Variants in CHD1 observed in about 807,000 individuals in gnomAD.
CHD1 encodes the protein chromodomain helicase DNA binding protein 1.
A neutral mutation model predicts 224.2 loss-of-function variants in CHD1; 36 were observed. That is an observed-to-expected ratio of 0.16 (90% confidence interval 0.12 to 0.21). CHD1 has a LOEUF of 0.21. CHD1 is among the 10% of genes least tolerant of loss of function. The pLI, the probability that CHD1 is intolerant of heterozygous loss-of-function variation, is 1.00. For synonymous variants in CHD1, 668 were observed against 658.3 expected (o/e 1.01, Z -0.23); for missense variants, 1,378 against 1,994.8 (o/e 0.69, Z 5.89).
At chr5:98,873,962 C>T (rs1749553679) in intron 25 of CHD1, among the ~76,000 whole-genome samples, 1 of 152,064 alleles carries the variant, frequency 6.6e-6, no homozygotes, top group African/African-American at 2.4e-5. Context: ...AGATTATATA[C>T]CAATTCTGTA....
At chr5:98,924,464 T>C in intron 2 of CHD1, among the ~76,000 whole-genome samples, 1 of 152,236 alleles carries the variant, frequency 6.6e-6, no homozygotes, top group East Asian at 1.9e-4. Context: ...GAAACTTCAA[T>C]ATCAGTTCAA....
At chr5:98,925,334 T>C (rs772357401) in intron 2 of CHD1, among the ~76,000 whole-genome samples, 4 of 152,196 alleles carry the variant, frequency 2.6e-5, no homozygotes, top group Non-Finnish European at 5.9e-5. Flanking sequence ...TGAGTTCAAG[T>C]GATCCTCCTT....
chr5:98,917,218 T>C (rs901434160), intron 2 of CHD1, among the ~76,000 whole-genome samples: 1 of 148,546 alleles, frequency 6.7e-6, no homozygotes, highest in African/African-American at 2.5e-5. Context: ...ACCACCAAAG[T>C]CACATCACCA....
rs773245358 is a variant in CHD1, at chr5:98,889,114, C to T, written c.2305G>A (p.Asp769Asn). 1 of 1,599,446 alleles carries T rather than the reference C, an allele frequency of 6.3e-7. No individual in the cohort carries two copies. The highest frequency in any genetic ancestry group is 8.6e-7 in the Non-Finnish European group (1 of 1,168,276). ...TGTTTATTATAGAATTCATTATTAT[C>T]TGGTGGTTTAATGAGGTAGCAATGG... ...CNHCYLIKPPDNNEFYNKQEA... is the reference protein window; with the variant it reads ...CNHCYLIKPPNNNEFYNKQEA... The change falls in exon 16 of 36, where the codon GAT (aspartate) becomes AAT (asparagine). Residue 769 changes from aspartate to asparagine, a missense_variant. Asp to Asn is a conservative substitution (Grantham distance 23). Transcript: ENST00000614616.
intron 2 of CHD1, among the ~76,000 whole-genome samples, chr5:98,909,063 T>G (rs758553211): frequency 6.6e-6 from 1 of 152,144 alleles, no homozygotes; most frequent in Non-Finnish European, 1.5e-5. Context: ...CCAATCTTGA[T>G]TCAACTAAGA....
rs910415003 is a variant in CHD1, at chr5:98,900,718, C to A, written c.859+93G>T. ...CCATCGGCCTCGGCCCCCCAAAGTACTGGGATTACAGGGGCGACCCACTGT... is the reference window on the plus strand; with the variant it reads ...CCATCGGCCTCGGCCCCCCAAAGTAATGGGATTACAGGGGCGACCCACTGT... On this transcript the variant is annotated intron_variant, in intron 7 of 35. Coordinates refer to ENST00000614616, the MANE Select transcript of CHD1 (RefSeq NM_001270.4). 3.9e-5 allele frequency: 44 copies of A among 1,122,480 alleles called. No individual in the cohort carries two copies. In the South Asian group the frequency reaches 4.1e-4, roughly 10 times the overall value. 69.5% of individuals were successfully genotyped at this position (1,122,480 alleles called of 1,614,324 possible).
Position 98,858,500 on chromosome 5 carries a change from T to C in CHD1, c.4577-110A>G, listed in dbSNP as rs1209718184. The stretch of plus-strand genomic sequence containing the variant: ...TCAACCCTTGCCAAAACAAAATCGG[T>C]TCCCAAATACAAGCAGTTAAAGCAT... On this transcript the variant is annotated intron_variant, in intron 34 of 35. Transcript: ENST00000614616. 9 of 782,996 alleles carry C rather than the reference T, an allele frequency of 1.1e-5. No individual in the cohort carries two copies. The Admixed American group carries it at 1.2e-4, about 10-fold the overall frequency. The allele number at this position is 782,996 out of a possible 1,614,324, so 48.5% of individuals were successfully genotyped here.
In CHD1 at chr5:98,859,994, A is replaced by C. The variant is rs1426548280; in HGVS notation, c.4502T>G (p.Ile1501Ser). 3 of 1,528,780 alleles carry C rather than the reference A, an allele frequency of 2.0e-6. No individual in the cohort carries two copies. The highest frequency in any genetic ancestry group is 2.6e-6 in the Non-Finnish European group (3 of 1,134,836). The allele number at this position is 1,528,780 out of a possible 1,614,324, so 94.7% of individuals were successfully genotyped here. ...RKLHKLYKHAIKKRQESQQNS... is the reference protein window; with the variant it reads ...RKLHKLYKHASKKRQESQQNS... ...TACCTGAGACTCCTGCCGTTTTTTA[A>C]TAGCATGCTTATATAATTTATGTAA... is the stretch of plus-strand genomic sequence containing the variant. The change falls in exon 33 of 36, where the codon ATT (isoleucine) becomes AGT (serine). Residue 1501 changes from isoleucine (I) to serine (S), a missense_variant. By Grantham distance (142) the Ile-to-Ser change is moderately radical (BLOSUM62 -2). This residue lies in a region of CHD1 where 278 missense variants were observed against 298.5 expected (regional missense o/e 0.93). Coordinates refer to ENST00000614616, the MANE Select transcript of CHD1 (RefSeq NM_001270.4).
chr5:98,856,544 C>A lies in CHD1; in HGVS notation c.4969G>T (p.Asp1657Tyr). Residue 1657 changes from aspartate to tyrosine, a missense_variant, in exon 36 of 36, where the codon GAT becomes TAT. Physicochemically the swap from Asp to Tyr is radical, Grantham distance 160 (BLOSUM62 -3). Transcript: ENST00000614616. ...SEYTHHKSSR[D>Y]YRYHSDWQMD... Reference sequence around the variant, plus strand: ...TGCCAGTCTGAGTGATACCTATAATCCCTGGAAGATTTATGGTGCGTATAT... The same window carrying A: ...TGCCAGTCTGAGTGATACCTATAATACCTGGAAGATTTATGGTGCGTATAT... 1 of 1,613,820 alleles carries A rather than the reference C, an allele frequency of 6.2e-7. No individual in the cohort carries two copies. Among genetic ancestry groups the A allele is most frequent in the South Asian group, 1.1e-5 (1 of 91,062 alleles).
rs905034565 is a variant in CHD1, at chr5:98,889,179, C to A, written c.2240G>T (p.Gly747Val). The change falls in exon 16 of 36, where the codon GGC (glycine) becomes GTC (valine). Residue 747 changes from glycine (G) to valine (V), a missense_variant. By Grantham distance (109) the Gly-to-Val change is moderately radical (BLOSUM62 -3). Coordinates refer to ENST00000614616, the MANE Select transcript of CHD1 (RefSeq NM_001270.4). ...LSKGSKGSTS[G>V]FLNIMMELKK... ...TAGCTCCATCATAATGTTCAAAAAG[C>A]CTGAGGTACTGCCCTTGGAACCTTT... The A allele has an allele frequency of 6.2e-7, 1 of 1,610,502 alleles. No homozygotes were observed. The highest frequency in any genetic ancestry group is 1.3e-5 in the African/African-American group (1 of 74,764).
chr5:98,881,192 T>C, intron 21 of CHD1, 21 bp from the exon 22 acceptor site: 1 of 1,520,154 alleles, frequency 6.6e-7, no homozygotes, highest in Non-Finnish European at 9.0e-7. Context: ...AAAGACAATA[T>C]TTAAATATAC....
intron 31 of CHD1, among the ~76,000 whole-genome samples, chr5:98,867,795 GTTTTT>G (rs71619163): frequency 3.1e-5 from 3 of 98,066 alleles, no homozygotes; most frequent in Non-Finnish European, 5.8e-5. Flanking sequence ...TATCTTCCTT[GTTTTT>G]TTTTTTTTTT....
chr5:98,922,432 T>G (rs1753160370), intron 2 of CHD1, among the ~76,000 whole-genome samples: 1 of 152,172 alleles, frequency 6.6e-6, no homozygotes, highest in African/African-American at 2.4e-5. Context: ...TCTTCTTCCT[T>G]TCAGTGAATA....
chr5:98,880,251 A>G (rs1032343222), intron 22 of CHD1, among the ~76,000 whole-genome samples: 2 of 152,222 alleles, frequency 1.3e-5, no homozygotes, highest in Non-Finnish European at 2.9e-5. Context: ...AAGGCTAACT[A>G]TCACAGCCGG....
At chr5:98,917,513 C>T (rs547496424) in intron 2 of CHD1, among the ~76,000 whole-genome samples, 24 of 152,266 alleles carry the variant, frequency 1.6e-4, no homozygotes, top group African/African-American at 5.5e-4. Flanking sequence ...ATATCTACCA[C>T]GTAGTAGTTG....
chr5:98,881,996 T>C lies in CHD1; in HGVS notation c.2846A>G (p.His949Arg), dbSNP rs942558840. 58 of 1,613,646 alleles carry C rather than the reference T, an allele frequency of 3.6e-5. No homozygotes were observed. Among genetic ancestry groups the C allele is most frequent in the Non-Finnish European group, 4.9e-5 (58 of 1,179,836 alleles). ...RMDTTGKTVL[H>R]TGSAPSSSTP... The stretch of plus-strand genomic sequence containing the variant: ...CCACCTTGATGGGGCAGAACCTGTA[T>C]GTAGTACTGTCTTCCCAGTTGTGTC... The change falls in exon 20 of 36, where the codon CAT becomes CGT. Residue 949 changes from histidine to arginine, a missense_variant. Around this residue, in one of 16 missense-constraint regions of CHD1, gnomAD observed 286 missense variants for 445.1 expected, o/e 0.64. Coordinates refer to ENST00000614616, the MANE Select transcript of CHD1 (RefSeq NM_001270.4).
chr5:98,868,420 A>T, intron 31 of CHD1, 75 bp downstream of exon 31: 1 of 1,318,300 alleles, frequency 7.6e-7, no homozygotes. Context: ...GTTCTAAATT[A>T]AATGCTATAA....
intron 17 of CHD1, 104 bp downstream of exon 17, chr5:98,887,984 T>TTA: frequency 4.5e-6 from 3 of 663,668 alleles, no homozygotes; most frequent in Non-Finnish European, 6.8e-6. Context: ...AAAGTACAGT[T>TTA]TATATAAAAA....
chr5:98,911,891 T>A (rs1752446609), intron 2 of CHD1, among the ~76,000 whole-genome samples: 1 of 152,200 alleles, frequency 6.6e-6, no homozygotes, highest in Non-Finnish European at 1.5e-5. Flanking sequence ...CAATATGTAA[T>A]CTCTGTACGG....
Sources: gnomAD v4.1 joint callset for allele counts (sites outside exome capture counted in the v4.1 genomes callset) on GRCh38, gnomAD v4.1.1 for gene constraint, gnomAD v4.1.1 regional missense constraint, MANE v1.5 for transcripts, NCBI Gene and HGNC (gene_info 2026-07-23, HGNC 2026-07-21) for gene names.